The following CRYZ variants were observed in gnomAD, a reference collection of about 807,000 sequenced individuals.
The protein encoded by CRYZ is zeta-crystallin.
In CRYZ, 35 loss-of-function variants were observed where a neutral mutation model predicts 34.1. That is an observed-to-expected ratio of 1.03 (90% CI 0.78 to 1.36). The LOEUF (loss-of-function observed/expected upper bound fraction) is 1.36, where lower values mean the gene tolerates loss of function less well. CRYZ is among the 40% of genes most tolerant of loss of function. CRYZ has a pLI of 0.00. For missense variants in CRYZ, 403 were observed against 391.8 expected (o/e 1.03, Z -0.24); for synonymous variants, 137 against 136.5 (o/e 1.00, Z -0.03).
At chr1:74,727,769 T>C (rs1647458385) in intron 1 of CRYZ, among the ~76,000 whole-genome samples, 1 of 151,832 alleles carries the variant, frequency 6.6e-6, no homozygotes, top group East Asian at 1.9e-4. Flanking sequence ...CACGTGGGAA[T>C]TATGGGAGCT....
At position 74,707,132 on chromosome 1, in the gene CRYZ, T is replaced by C; in HGVS notation, c.703A>G (p.Ser235Gly). The change falls in exon 7 of 9, where the codon AGT (serine) becomes GGT (glycine). Residue 235 changes from serine (S) to glycine (G), a missense_variant. Ser to Gly is a moderately conservative substitution (Grantham distance 56). Transcript: ENST00000340866. ...LANVNLSKDL[S>G]LLSHGGRVIV... Reference sequence around the variant, plus strand: ...ACTCGTCCTCCATGTGACAGAAGACTCAAGTCTTTACTAAGATTTACATTA... The same window carrying C: ...ACTCGTCCTCCATGTGACAGAAGACCCAAGTCTTTACTAAGATTTACATTA... 1 of 1,587,468 alleles carries C rather than the reference T, an allele frequency of 6.3e-7. No individual in the cohort carries two copies. The highest frequency in any genetic ancestry group is 8.6e-7 in the Non-Finnish European group (1 of 1,166,266).
chr1:74,718,888 C>T (rs146532503), intron 4 of CRYZ, among the ~76,000 whole-genome samples: 411 of 152,284 alleles, frequency 2.7e-3, no homozygotes, highest in African/African-American at 9.2e-3. Context: ...CTCATCACCA[C>T]AGGCACATGC....
chr1:74,714,776 T>C (rs1385929478), intron 4 of CRYZ, 146 bp from the exon 5 acceptor site: 2 of 672,124 alleles, frequency 3.0e-6, no homozygotes, highest in Non-Finnish European at 5.3e-6. Flanking sequence ...GCCCCAAATA[T>C]TCCCTAAGCT....
intron 3 of CRYZ, among the ~76,000 whole-genome samples, chr1:74,722,196 C>T (rs185476409): frequency 2.1e-3 from 315 of 151,982 alleles, no homozygotes; most frequent in African/African-American, 6.9e-3. Flanking sequence ...GGCCTGAAAA[C>T]GGAGGCCCAG....
chr1:74,723,685 T>G (rs1382813652), intron 2 of CRYZ, among the ~76,000 whole-genome samples: 6 of 152,184 alleles, frequency 3.9e-5, no homozygotes, highest in Non-Finnish European at 8.8e-5. Context: ...CCTGACCCAT[T>G]AAAACTTCCC....
At chr1:74,725,528 C>T (rs542081566) in intron 1 of CRYZ, among the ~76,000 whole-genome samples, 114 of 152,316 alleles carry the variant, frequency 7.5e-4, no homozygotes, top group African/African-American at 2.6e-3. Context: ...CCAGGTCCCT[C>T]CCATGACACA....
chr1:74,728,570 A>C (rs1647509634), intron 1 of CRYZ, among the ~76,000 whole-genome samples: 1 of 152,232 alleles, frequency 6.6e-6, no homozygotes, highest in Non-Finnish European at 1.5e-5. Flanking sequence ...ATATGAAAGA[A>C]TTCAGACTTT....
chr1:74,727,555 C>T (rs1483729977), intron 1 of CRYZ, among the ~76,000 whole-genome samples: 1 of 125,484 alleles, frequency 8.0e-6, no homozygotes, highest in African/African-American at 2.8e-5. Flanking sequence ...TGGCGTCAAC[C>T]CGGCAGGTGG....
At chr1:74,732,049 T>A (rs1447413286) in intron 1 of CRYZ, among the ~76,000 whole-genome samples, 1 of 152,138 alleles carries the variant, frequency 6.6e-6, no homozygotes, top group Non-Finnish European at 1.5e-5. Flanking sequence ...CCCCCACAGC[T>A]GGGCTGTGGG....
At chr1:74,723,914 CTTAA>C (rs1474853807) in intron 2 of CRYZ, among the ~76,000 whole-genome samples, 2 of 152,072 alleles carry the variant, frequency 1.3e-5, no homozygotes, top group African/African-American at 2.4e-5. Context: ...CTAATTTTAC[CTTAA>C]TTAACACAGA....
intron 1 of CRYZ, among the ~76,000 whole-genome samples, chr1:74,728,342 A>G (rs770917739): frequency 2.4e-4 from 37 of 152,274 alleles, no homozygotes; most frequent in Non-Finnish European, 4.7e-4. Context: ...CCTAGAAAAA[A>G]GCAAAGAACA....
In CRYZ at chr1:74,709,034, G is replaced by A. The variant is rs567670142; in HGVS notation, c.630+1064C>T. On this transcript the variant is annotated intron_variant, in intron 6 of 8. Transcript: ENST00000340866. ...TTAGGAGCTTCTCAGTGACCTCTGG[G>A]AAGCAGTATAAATACTTGGGCTATA... 1.2e-4 allele frequency among the ~76,000 whole-genome samples: 19 copies of A among 152,266 alleles called. No homozygotes were observed. In the South Asian group the frequency reaches 3.1e-3, roughly 25 times the overall value.
intron 1 of CRYZ, among the ~76,000 whole-genome samples, chr1:74,725,923 A>G (rs566363752): frequency 2.0e-5 from 3 of 152,308 alleles, no homozygotes; most frequent in East Asian, 1.9e-4. Flanking sequence ...TAAAGCTCCA[A>G]AATGAACTCT....
intron 5 of CRYZ, among the ~76,000 whole-genome samples, chr1:74,713,198 T>A (rs1569982448): frequency 6.6e-6 from 1 of 152,044 alleles, no homozygotes; most frequent in East Asian, 1.9e-4. Context: ...GTGTGGATTT[T>A]ACCTTAAAAA....
chr1:74,722,569 G>C (rs1369774434), intron 3 of CRYZ, among the ~76,000 whole-genome samples: 1 of 150,462 alleles, frequency 6.6e-6, no homozygotes, highest in African/African-American at 2.5e-5. Flanking sequence ...TAGGACATGA[G>C]CTTACTATGA....
chr1:74,709,819 G>A (rs1378469055), intron 6 of CRYZ, among the ~76,000 whole-genome samples: 1 of 152,128 alleles, frequency 6.6e-6, no homozygotes, highest in Non-Finnish European at 1.5e-5. Context: ...GCTTTACTTA[G>A]AATGTTATTT....
chr1:74,723,365 G>C, intron 2 of CRYZ, 95 bp from the exon 3 acceptor site: 1 of 1,172,746 alleles, frequency 8.5e-7, no homozygotes, highest in East Asian at 2.5e-5. Context: ...TATCAAAATG[G>C]GAGACAAAAG....
chr1:74,725,604 C>T (rs1647296389), intron 1 of CRYZ, among the ~76,000 whole-genome samples: 1 of 99,172 alleles, frequency 1.0e-5, no homozygotes, highest in South Asian at 5.3e-4. Context: ...TCATATCATT[C>T]TACCCCAGGA....
intron 2 of CRYZ, among the ~76,000 whole-genome samples, chr1:74,724,035 G>A (rs1647218517): frequency 6.6e-6 from 1 of 152,074 alleles, no homozygotes; most frequent in Non-Finnish European, 1.5e-5. Flanking sequence ...AGAAAGGATA[G>A]GTTGGGTAAA....
Sources: allele counts gnomAD v4.1 joint callset (sites outside exome capture counted in the v4.1 genomes callset), GRCh38; gene constraint gnomAD v4.1.1; transcripts MANE v1.5; gene names NCBI Gene and HGNC (gene_info 2026-07-23, HGNC 2026-07-21).